Variants in EHMT1 observed in about 807,000 individuals in gnomAD.
EHMT1 encodes the protein histone-lysine N-methyltransferase EHMT1.
Under a neutral mutation model 147.2 loss-of-function variants are expected in EHMT1, and 15 were observed. That is an observed-to-expected ratio of 0.10 (90% confidence interval 0.07 to 0.16). The LOEUF is 0.16. Ranked by LOEUF, EHMT1 falls within the 10% of genes least tolerant of loss-of-function variation. The pLI is 1.00. For missense variants in EHMT1, 1,587 were observed against 1,772.4 expected (o/e 0.90, Z 1.88); for synonymous variants, 795 against 709.6 (o/e 1.12, Z -1.91).
At chr9:137,788,473 G>C (rs909845997) in intron 15 of EHMT1, 1 of 171,916 alleles carries the variant, frequency 5.8e-6, no homozygotes, top group Admixed American at 6.1e-5. Flanking sequence ...TGCAGGTGTA[G>C]GGAGATTGCA....
chr9:137,820,863 A>G (rs1014183799), intron 25 of EHMT1, among the ~76,000 whole-genome samples: 1 of 145,376 alleles, frequency 6.9e-6, no homozygotes, highest in Non-Finnish European at 1.5e-5. Context: ...TTCTCACCTT[A>G]GAGGTTTGTT....
chr9:137,719,827 C>T (rs1945754277), intron 3 of EHMT1, among the ~76,000 whole-genome samples: 2 of 151,520 alleles, frequency 1.3e-5, no homozygotes, highest in African/African-American at 2.4e-5. Context: ...GCCGAACCCC[C>T]TCCACACCAG....
intron 1 of EHMT1, among the ~76,000 whole-genome samples, chr9:137,669,548 C>T (rs1480996995): frequency 4.3e-4 from 8 of 18,430 alleles, no homozygotes; most frequent in African/African-American, 1.5e-3. Context: ...CAAGACGCCC[C>T]GCACAGCACG....
chr9:137,768,217 C>T (rs1346536048), intron 10 of EHMT1, among the ~76,000 whole-genome samples: 1 of 152,048 alleles, frequency 6.6e-6, no homozygotes, highest in Non-Finnish European at 1.5e-5. Flanking sequence ...ATCACGGTCC[C>T]TTTGTTAAGT....
intron 25 of EHMT1, among the ~76,000 whole-genome samples, chr9:137,821,520 T>G (rs917985712): frequency 6.6e-5 from 10 of 151,910 alleles, no homozygotes; most frequent in Non-Finnish European, 1.5e-4. Context: ...TTTATAGAGA[T>G]GGAATCTCAC....
At position 137,834,478 on chromosome 9, in the gene EHMT1, A is replaced by T; in HGVS notation, c.3670A>T (p.Ile1224Phe). 1 of 1,612,624 alleles carries T rather than the reference A, an allele frequency of 6.2e-7. No homozygotes were observed. The highest frequency in any genetic ancestry group is 8.5e-7 in the Non-Finnish European group (1 of 1,179,782). ...CCACCAGGACCTGCGGTTCCCCCGG[A>T]TCGCCTTCTTCAGCACCCGCCTGAT... ...MAHQDLRFPRIAFFSTRLIEA... is the reference protein window; with the variant it reads ...MAHQDLRFPRFAFFSTRLIEA... The change falls in exon 26 of 27, where the codon ATC (isoleucine) becomes TTC (phenylalanine). Residue 1224 changes from isoleucine to phenylalanine, a missense_variant. Transcript: ENST00000460843.
At chr9:137,703,257 C>T (rs1197120236) in intron 1 of EHMT1, among the ~76,000 whole-genome samples, 2 of 152,182 alleles carry the variant, frequency 1.3e-5, no homozygotes, top group African/African-American at 4.8e-5. Context: ...AGGCATTTTC[C>T]CCATTGTCTT....
At chr9:137,690,772 A>T (rs1942865812) in intron 1 of EHMT1, among the ~76,000 whole-genome samples, 1 of 152,064 alleles carries the variant, frequency 6.6e-6, no homozygotes, top group Non-Finnish European at 1.5e-5. Context: ...GGTCATTGTG[A>T]TCATCACTTG....
At chr9:137,802,200 C>CA (rs1359935733) in intron 18 of EHMT1, among the ~76,000 whole-genome samples, 1 of 152,202 alleles carries the variant, frequency 6.6e-6, no homozygotes, top group Non-Finnish European at 1.5e-5. Context: ...CTGGGCACGA[C>CA]AGCAAGGGGC....
At chr9:137,818,162 G>A (rs1245412338) in intron 25 of EHMT1, 24 bp downstream of exon 25, 3 of 1,612,404 alleles carry the variant, frequency 1.9e-6, no homozygotes, top group Non-Finnish European at 2.5e-6. Context: ...TGGGGTTGGG[G>A]CCACGCAGAA....
chr9:137,647,418 C>T (rs72765195), intron 1 of EHMT1, among the ~76,000 whole-genome samples: 2,556 of 152,246 alleles, frequency 0.017, 26 homozygotes, highest in Middle Eastern at 0.031. Flanking sequence ...TCCCAGGAGA[C>T]GCTGTCGGCT....
At chr9:137,672,359 G>A (rs1940771003) in intron 1 of EHMT1, among the ~76,000 whole-genome samples, 1 of 150,272 alleles carries the variant, frequency 6.7e-6, no homozygotes, top group Non-Finnish European at 1.5e-5. Flanking sequence ...TTAACATGTA[G>A]TAGGTTTATT....
chr9:137,658,704 C>T (rs1234229778), intron 1 of EHMT1, among the ~76,000 whole-genome samples: 2 of 151,916 alleles, frequency 1.3e-5, no homozygotes, highest in African/African-American at 4.8e-5. Context: ...CTTCAACTTC[C>T]CAGGCTCAAG....
At chr9:137,810,828 T>C (rs961834240) in intron 18 of EHMT1, among the ~76,000 whole-genome samples, 3 of 152,050 alleles carry the variant, frequency 2.0e-5, no homozygotes, top group African/African-American at 4.8e-5. Context: ...GCCTCGCAAG[T>C]AGCTGGGATT....
intron 18 of EHMT1, chr9:137,803,030 C>T (rs554325730): frequency 3.5e-4 from 434 of 1,231,252 alleles, no homozygotes; most frequent in Non-Finnish European, 4.2e-4. Context: ...CCTCACCCAC[C>T]GCCCCCGGAG....
intron 6 of EHMT1, chr9:137,745,769 G>C: frequency 2.6e-6 from 1 of 382,834 alleles, no homozygotes; most frequent in South Asian, 1.5e-4. Context: ...AGGCTCATAA[G>C]TGCTGTCTGC....
At chr9:137,635,852 T>C (rs1038581896) in intron 1 of EHMT1, among the ~76,000 whole-genome samples, 3 of 151,946 alleles carry the variant, frequency 2.0e-5, no homozygotes, top group East Asian at 2.0e-4. Context: ...AATATTTTAA[T>C]GTATAAGTTT....
At chr9:137,635,634 C>T (rs962781123) in intron 1 of EHMT1, among the ~76,000 whole-genome samples, 2 of 151,172 alleles carry the variant, frequency 1.3e-5, no homozygotes, top group Non-Finnish European at 1.5e-5. Flanking sequence ...TCCTGGCTAA[C>T]ATGGTGAAAC....
rs1389650901 is a variant in EHMT1 at position 137,786,876 on chromosome 9, G to C, written c.2383-3972G>C. The stretch of plus-strand genomic sequence containing the variant: ...CCTTTCGCCGGTGCTGGGGACATCA[G>C]CGTTCTGGCTCCCAGGCTGGGGAGT... On this transcript the variant is annotated intron_variant, in intron 15 of 26. Transcript: ENST00000460843. The surrounding 1 kb of genome is among the most constrained non-coding windows in gnomAD (Gnocchi z 4.3). 6.6e-6 allele frequency: 1 copy of C among 152,390 alleles called. No homozygotes were observed. Among genetic ancestry groups the C allele is most frequent in the East Asian group, 1.9e-4 (1 of 5,204 alleles). The allele number at this position is 152,390 out of a possible 1,614,324, so 9.4% of individuals were successfully genotyped here.
Sources: allele counts gnomAD v4.1 joint callset (sites outside exome capture counted in the v4.1 genomes callset), GRCh38; gene constraint gnomAD v4.1.1; non-coding constraint Gnocchi (gnomAD v3.1); transcripts MANE v1.5; gene names NCBI Gene and HGNC (gene_info 2026-07-23, HGNC 2026-07-21).